SNTA1: variants seen among roughly 807,000 people sequenced by gnomAD.
SNTA1 encodes syntrophin alpha 1.
In SNTA1, 31 loss-of-function variants were observed where a neutral mutation model predicts 47.1. The observed-to-expected ratio is 0.66, with a 90% CI of 0.49 to 0.89. SNTA1 has a LOEUF of 0.89. Ranked by LOEUF, SNTA1 falls within the 40% of genes least tolerant of loss-of-function variation. The pLI is 0.00. For missense variants in SNTA1, 575 were observed against 693.0 expected, an observed-to-expected ratio of 0.83 and a Z score of 1.91; for synonymous variants, 300 against 313.6, an observed-to-expected ratio of 0.96 and a Z score of 0.46.
At chr20:33,425,472 G>T (rs1990147637) in intron 2 of SNTA1, among the ~76,000 whole-genome samples, 1 of 151,762 alleles carries the variant, frequency 6.6e-6, no homozygotes, top group South Asian at 2.1e-4. Context: ...ACCAGCTTGG[G>T]CAACATAGCG....
At chr20:33,429,106 G>A (rs1207579800) in intron 2 of SNTA1, among the ~76,000 whole-genome samples, 1 of 151,822 alleles carries the variant, frequency 6.6e-6, no homozygotes, top group East Asian at 1.9e-4. Flanking sequence ...AGGACTTTGG[G>A]AGGCCTTAGG....
intron 2 of SNTA1, among the ~76,000 whole-genome samples, chr20:33,422,461 A>AG (rs1990060360): frequency 6.6e-6 from 1 of 150,870 alleles, no homozygotes; most frequent in Non-Finnish European, 1.5e-5. Context: ...AGAAAAGAAA[A>AG]AGAAAGAAAC....
intron 6 of SNTA1, 23 bp downstream of exon 6, chr20:33,410,112 A>T: frequency 2.5e-6 from 4 of 1,612,694 alleles, no homozygotes; most frequent in Non-Finnish European, 8.5e-7. Context: ...CCAGAGGGAC[A>T]CTCCCAGATC....
rs938086269 is a variant in SNTA1 at position 33,438,938 on chromosome 20, A to G, written c.399T>C (p.Asp133=). The change falls in exon 2 of 8, where the codon GAT becomes GAC. Residue 133 remains aspartate (D), a synonymous_variant. Coordinates refer to ENST00000217381, the MANE Select transcript of SNTA1 (RefSeq NM_003098.3). ...CTTCCCCATTCACAGACAGGATGGC[A>G]TCCCCCACAAAAAGGGCCTCTGTCT... ...ADQTEALFVG[D]AILSVNGEDL... 5 of 1,614,018 alleles carry G rather than the reference A, an allele frequency of 3.1e-6. No individual in the cohort carries two copies. Among genetic ancestry groups the G allele is most frequent in the African/African-American group, 1.3e-5 (1 of 74,926 alleles).
At chr20:33,415,707 C>T (rs549153864) in intron 3 of SNTA1, among the ~76,000 whole-genome samples, 1 of 151,880 alleles carries the variant, frequency 6.6e-6, no homozygotes, top group African/African-American at 2.4e-5. Flanking sequence ...AGGAGAATTG[C>T]CTGAACCTAG....
intron 2 of SNTA1, among the ~76,000 whole-genome samples, chr20:33,433,321 AT>A (rs1174350790): frequency 7.2e-6 from 1 of 139,092 alleles, no homozygotes; most frequent in Non-Finnish European, 1.6e-5. Context: ...CTGGAGTACA[AT>A]GGTTCGATCT....
In SNTA1 at chr20:33,408,067, G is replaced by A. The variant is rs1989637864; in HGVS notation, c.*440C>T. On this transcript the variant is annotated 3_prime_UTR_variant, in exon 8 of 8. Coordinates refer to ENST00000217381, the MANE Select transcript of SNTA1 (RefSeq NM_003098.3). ...GACTCCCCACGGTGGCAGGGCTGAGGGGAAAAACAAACAGAAAATCTCCTC... is the reference window on the plus strand; with the variant it reads ...GACTCCCCACGGTGGCAGGGCTGAGAGGAAAAACAAACAGAAAATCTCCTC... 1 of 246,970 alleles carries A rather than the reference G, an allele frequency of 4.0e-6. No homozygotes were observed. Among genetic ancestry groups the A allele is most frequent in the Admixed American group, 4.9e-5 (1 of 20,248 alleles). The allele number at this position is 246,970 out of a possible 1,614,324, so 15.3% of individuals were successfully genotyped here.
In SNTA1 at chr20:33,443,534, C is replaced by A; in HGVS notation, c.87G>T (p.Gln29His). The change falls in exon 1 of 8, where the codon CAG (glutamine) becomes CAT (histidine). Residue 29 changes from glutamine (Q) to histidine (H), a missense_variant. Coordinates refer to ENST00000217381, the MANE Select transcript of SNTA1 (RefSeq NM_003098.3). ...AGSGAGGERW[Q>H]RVLLSLAEDV... is the part of the protein sequence containing the mutation. ...CCTCCGCCAGACTCAGCAGCACCCG[C>A]TGCCATCGCTCGCCGCCGGCCCCCG... 7.4e-7 allele frequency: 1 copy of A among 1,348,076 alleles called. No individual in the cohort carries two copies. The highest frequency in any genetic ancestry group is 9.6e-7 in the Non-Finnish European group (1 of 1,042,840). 83.5% of individuals were successfully genotyped at this position (1,348,076 alleles called of 1,614,324 possible). A position where few individuals can be genotyped will look rare whatever the true frequency, so the allele number is the denominator to read the frequency against.
chr20:33,418,528 C>T (rs1299607301), intron 2 of SNTA1, among the ~76,000 whole-genome samples: 2 of 152,052 alleles, frequency 1.3e-5, no homozygotes, highest in South Asian at 2.1e-4. Context: ...CATGTTGGCT[C>T]ATGCCTGTAA....
At position 33,443,654 on chromosome 20, in the gene SNTA1, C is replaced by A; in HGVS notation, c.-34G>T. 8.5e-7 allele frequency: 1 copy of A among 1,171,850 alleles called. No individual in the cohort carries two copies. The highest frequency in any genetic ancestry group is 1.1e-6 in the Non-Finnish European group (1 of 949,582). 72.6% of individuals were successfully genotyped at this position (1,171,850 alleles called of 1,614,324 possible). On this transcript the variant is annotated 5_prime_UTR_variant, in exon 1 of 8. Coordinates refer to ENST00000217381, the MANE Select transcript of SNTA1 (RefSeq NM_003098.3). ...CCGAGCCCCCGGGCCGCCGCGCTCG[C>A]CCTGTCCCGCTTTGCCCAGCCCGCT...
At chr20:33,411,486 C>CCCACCT (rs1989739884) in intron 5 of SNTA1, among the ~76,000 whole-genome samples, 1 of 152,166 alleles carries the variant, frequency 6.6e-6, no homozygotes, top group African/African-American at 2.4e-5. Flanking sequence ...GCTCCTGCCA[C>CCCACCT]CCACCTCCAC....
At chr20:33,435,859 C>T (rs964812809) in intron 2 of SNTA1, among the ~76,000 whole-genome samples, 2 of 152,188 alleles carry the variant, frequency 1.3e-5, no homozygotes, top group Non-Finnish European at 2.9e-5. Flanking sequence ...CTTCTCAAAA[C>T]GACATACATG....
chr20:33,426,196 C>T (rs978011509), intron 2 of SNTA1, among the ~76,000 whole-genome samples: 6 of 152,022 alleles, frequency 3.9e-5, no homozygotes, highest in Non-Finnish European at 8.8e-5. Context: ...CGCCTGTAAT[C>T]CCAGCAGTTT....
intron 2 of SNTA1, among the ~76,000 whole-genome samples, chr20:33,436,148 C>T (rs1990436661): frequency 6.6e-6 from 1 of 151,792 alleles, no homozygotes; most frequent in Non-Finnish European, 1.5e-5. Context: ...AGCCGAGATC[C>T]CGCCACTGCA....
intron 1 of SNTA1, among the ~76,000 whole-genome samples, chr20:33,442,231 A>ACCAT (rs1159388082): frequency 2.6e-5 from 4 of 152,036 alleles, no homozygotes; most frequent in Non-Finnish European, 5.9e-5. Flanking sequence ...GGCATTCACC[A>ACCAT]CCATCCCCAC....
intron 2 of SNTA1, among the ~76,000 whole-genome samples, chr20:33,423,935 C>G (rs537711291): frequency 4.5e-4 from 68 of 152,252 alleles, no homozygotes; most frequent in Non-Finnish European, 2.4e-4. Context: ...TAGCCCATGG[C>G]CTTTCTCCCC....
intron 1 of SNTA1, among the ~76,000 whole-genome samples, 183 bp downstream of exon 1, chr20:33,443,128 C>T (rs1366054754): frequency 6.6e-6 from 1 of 151,942 alleles, no homozygotes; most frequent in African/African-American, 2.4e-5. Context: ...CCTAAGGCCA[C>T]CAACTACTGA....
chr20:33,416,612 G>A (rs148583430), intron 3 of SNTA1, among the ~76,000 whole-genome samples: 2 of 152,168 alleles, frequency 1.3e-5, no homozygotes, highest in East Asian at 1.9e-4. Context: ...CGAAACCAGC[G>A]TGGCCAACAT....
At position 33,408,691 on chromosome 20, in the gene SNTA1, C is replaced by T; in HGVS notation, c.1425+10G>A. On this transcript the variant is annotated intron_variant, in intron 7 of 7. Transcript: ENST00000217381. ...TCCTCCCCAGGGTGCAGAGGCAGCC[C>T]CTCACTCACGATCTCGCCTTCAGCA... The T allele has an allele frequency of 1.9e-6, 3 of 1,613,856 alleles. No homozygotes were observed. Among genetic ancestry groups the T allele is most frequent in the Non-Finnish European group, 2.5e-6 (3 of 1,179,788 alleles).
Sources: gnomAD v4.1 joint callset for allele counts (sites outside exome capture counted in the v4.1 genomes callset) on GRCh38, gnomAD v4.1.1 for gene constraint, MANE v1.5 for transcripts, NCBI Gene and HGNC (gene_info 2026-07-23, HGNC 2026-07-21) for gene names.